STAG1: variants seen among roughly 807,000 people sequenced by gnomAD.
STAG1 encodes the protein STAG1 cohesin complex component.
In STAG1, 26 loss-of-function variants were observed where a neutral mutation model predicts 170.9. The observed-to-expected ratio is 0.15, with a 90% CI of 0.11 to 0.21. The LOEUF is 0.21. STAG1 is among the 10% of genes least tolerant of loss of function. The pLI is 1.00. For synonymous variants in STAG1, 514 were observed against 497.7 expected (o/e 1.03, Z -0.44); for missense variants, 964 against 1,509.5 (o/e 0.64, Z 5.99).
chr3:136,746,081 T>G (rs556159175), intron 1 of STAG1, among the ~76,000 whole-genome samples: 2 of 152,330 alleles, frequency 1.3e-5, no homozygotes, highest in East Asian at 1.9e-4. Flanking sequence ...ACTGTCCCCT[T>G]AACCACCAAA....
Position 136,704,276 on chromosome 3 carries a change from C to T in STAG1, c.-84+47919G>A, listed in dbSNP as rs536968135. Among the ~76,000 whole-genome samples the T allele has an allele frequency of 1.7e-4, 26 of 151,804 alleles. No homozygotes were observed. The South Asian group carries it at 5.4e-3, about 32-fold the overall frequency. ...ATGTTGGCCAGGCTAGTCTCGAACC[C>T]CTGACCTCAGGTGATCCGCCTGACT... On this transcript the variant is annotated intron_variant, in intron 1 of 33. Coordinates refer to ENST00000383202, the MANE Select transcript of STAG1 (RefSeq NM_005862.3).
At chr3:136,348,602 CTA>C (rs918118929) in intron 29 of STAG1, among the ~76,000 whole-genome samples, 4 of 151,904 alleles carry the variant, frequency 2.6e-5, no homozygotes, top group African/African-American at 7.3e-5. Flanking sequence ...GGGAGTCTTG[CTA>C]TGTTTCCCAG....
At chr3:136,451,169 T>TAA (rs66694432) in intron 14 of STAG1, among the ~76,000 whole-genome samples, 2 of 143,156 alleles carry the variant, frequency 1.4e-5, no homozygotes, top group African/African-American at 2.6e-5. Flanking sequence ...TACAATATAT[T>TAA]AAAAAAAAAA....
intron 7 of STAG1, among the ~76,000 whole-genome samples, chr3:136,507,826 T>C (rs1239412396): frequency 6.6e-6 from 1 of 152,168 alleles, no homozygotes; most frequent in Non-Finnish European, 1.5e-5. Context: ...AACTCGATAT[T>C]TGCAGTTTAG....
chr3:136,557,089 C>T (rs2107746274), intron 5 of STAG1, among the ~76,000 whole-genome samples: 1 of 152,034 alleles, frequency 6.6e-6, no homozygotes, highest in African/African-American at 2.4e-5. Context: ...AAACAATTAG[C>T]CAGGTGTAGT....
intron 3 of STAG1, among the ~76,000 whole-genome samples, chr3:136,606,785 G>C (rs1338212652): frequency 7.6e-6 from 1 of 131,632 alleles, no homozygotes; most frequent in African/African-American, 2.8e-5. Flanking sequence ...AAGTTAACTT[G>C]TTGCCCAGGC....
At chr3:136,564,595 G>T (rs1936980981) in intron 5 of STAG1, among the ~76,000 whole-genome samples, 1 of 152,146 alleles carries the variant, frequency 6.6e-6, no homozygotes, top group African/African-American at 2.4e-5. Flanking sequence ...TGATGTAAAA[G>T]ACAGTGTGCT....
intron 9 of STAG1, among the ~76,000 whole-genome samples, chr3:136,485,085 C>T (rs1303190713): frequency 6.6e-6 from 1 of 152,180 alleles, no homozygotes; most frequent in Non-Finnish European, 1.5e-5. Context: ...TCCTATTCGG[C>T]CATCTTGGCT....
chr3:136,472,343 G>T, intron 12 of STAG1, 70 bp downstream of exon 12: 2 of 1,068,928 alleles, frequency 1.9e-6, no homozygotes, highest in Non-Finnish European at 2.8e-6. Context: ...ATATAGATAG[G>T]ACATTAAAAA....
At chr3:136,634,216 G>T (rs66471262) in intron 1 of STAG1, among the ~76,000 whole-genome samples, 5 of 151,768 alleles carry the variant, frequency 3.3e-5, no homozygotes, top group South Asian at 2.1e-4. Flanking sequence ...ACCAGGCGTG[G>T]TGGCACACAC....
At chr3:136,421,030 C>CA in intron 20 of STAG1, 63 bp downstream of exon 20, 2 of 1,002,384 alleles carry the variant, frequency 2.0e-6, no homozygotes. Context: ...CTCGGCCTCT[C>CA]AAAGTGTTGG....
At chr3:136,463,699 A>C (rs2089339404) in intron 13 of STAG1, among the ~76,000 whole-genome samples, 1 of 140,602 alleles carries the variant, frequency 7.1e-6, no homozygotes, top group Admixed American at 7.0e-5. Context: ...GCAAGACAGC[A>C]AGACCCCATC....
intron 21 of STAG1, among the ~76,000 whole-genome samples, chr3:136,416,522 C>T (rs574199129): frequency 4.9e-4 from 75 of 152,300 alleles, no homozygotes; most frequent in Non-Finnish European, 3.2e-4. Flanking sequence ...GAGATGTACT[C>T]TTATTCTCTC....
intron 24 of STAG1, among the ~76,000 whole-genome samples, chr3:136,367,692 G>A (rs1364952253): frequency 2.0e-5 from 3 of 152,146 alleles, no homozygotes; most frequent in African/African-American, 7.2e-5. Context: ...GGAAGAAATT[G>A]AAATATGGAT....
chr3:136,523,161 T>C (rs1014678107), intron 6 of STAG1, among the ~76,000 whole-genome samples: 5 of 152,180 alleles, frequency 3.3e-5, no homozygotes, highest in Non-Finnish European at 7.3e-5. Flanking sequence ...TCCACAATGG[T>C]TGAACTAGTT....
chr3:136,415,536 T>G (rs1199046219), intron 21 of STAG1, among the ~76,000 whole-genome samples: 1 of 152,156 alleles, frequency 6.6e-6, no homozygotes, highest in African/African-American at 2.4e-5. Flanking sequence ...CTTGCATGGT[T>G]GTATTAAGAA....
At chr3:136,480,963 C>A (rs1406849411) in intron 9 of STAG1, among the ~76,000 whole-genome samples, 1 of 144,526 alleles carries the variant, frequency 6.9e-6, no homozygotes, top group Non-Finnish European at 1.5e-5. Flanking sequence ...CGCTTATCAG[C>A]TTAAGGAGAT....
chr3:136,446,844 G>A (rs760850309), intron 14 of STAG1, among the ~76,000 whole-genome samples: 44 of 149,832 alleles, frequency 2.9e-4, no homozygotes, highest in Non-Finnish European at 5.6e-4. Flanking sequence ...TTGCTCTGTC[G>A]CCCAGGATGC....
chr3:136,556,544 G>A lies in STAG1; in HGVS notation c.394+12221C>T, dbSNP rs181293043. On this transcript the variant is annotated intron_variant, in intron 5 of 33. Transcript: ENST00000383202. ...ATATAATTCCATTTAAAACTCCGACGAGTTTGCTGATAGAACTTGACATTC... is the reference window on the plus strand; with the variant it reads ...ATATAATTCCATTTAAAACTCCGACAAGTTTGCTGATAGAACTTGACATTC... Among the ~76,000 whole-genome samples, 1,198 of 152,048 alleles carry A rather than the reference G, an allele frequency of 7.9e-3. 22 individuals carry two copies. Among genetic ancestry groups the A allele is most frequent in the Admixed American group, 0.044 (669 of 15,248 alleles).
Sources: gnomAD v4.1 joint callset for allele counts (sites outside exome capture counted in the v4.1 genomes callset) on GRCh38, gnomAD v4.1.1 for gene constraint, MANE v1.5 for transcripts, NCBI Gene and HGNC (gene_info 2026-07-23, HGNC 2026-07-21) for gene names.